Variants in CD59 observed in about 807,000 individuals in gnomAD.
The protein encoded by CD59 is CD59 glycoprotein.
A neutral mutation model predicts 7.0 loss-of-function variants in CD59; 3 were observed. That is an observed-to-expected ratio of 0.43 (90% CI 0.19 to 1.10). The LOEUF is 1.10. Among genes scored for constraint, CD59 ranks in the 50% least tolerant of loss-of-function variants. The pLI is 0.29. For missense variants in CD59, 143 were observed against 151.0 expected (o/e 0.95, Z 0.28); for synonymous variants, 60 against 62.0 (o/e 0.97, Z 0.15).
rs531012398 is a variant in CD59, at chr11:33,735,651, C to T, written c.-19+731G>A. On this transcript the variant is annotated intron_variant, in intron 1 of 3. Coordinates refer to ENST00000642928, the MANE Select transcript of CD59 (RefSeq NM_000611.6). ...CGTCCGTTTCGGCCGGGCGCGGTGG[C>T]TCACACCTGTAATCCCAACACTTTG... Among the ~76,000 whole-genome samples, 99 of 152,282 alleles carry T rather than the reference C, an allele frequency of 6.5e-4. No individual in the cohort carries two copies. In the South Asian group the frequency reaches 0.015, roughly 22 times the overall value.
At chr11:33,717,497 C>T (rs771696466) in intron 2 of CD59, 26 bp from the exon 3 acceptor site, 7 of 1,454,758 alleles carry the variant, frequency 4.8e-6, no homozygotes, top group South Asian at 1.1e-5. Context: ...AAGTCAGGAT[C>T]TCTTAAAGCA....
intron 3 of CD59, among the ~76,000 whole-genome samples, chr11:33,713,253 G>A (rs543657657): frequency 6.6e-6 from 1 of 152,172 alleles, no homozygotes; most frequent in Admixed American, 6.5e-5. Context: ...CTGAGTGCCT[G>A]TGTGCTAGAT....
intron 2 of CD59, among the ~76,000 whole-genome samples, chr11:33,721,501 C>T (rs1275843165): frequency 1.3e-5 from 2 of 152,150 alleles, no homozygotes; most frequent in Non-Finnish European, 2.9e-5. Flanking sequence ...TTCTGCTCCC[C>T]CCACCAACCA....
Position 33,732,208 on chromosome 11 carries a change from C to T in CD59, c.-19+4174G>A, listed in dbSNP as rs1854439232. Among the ~76,000 whole-genome samples, 4 of 151,876 alleles carry T rather than the reference C, an allele frequency of 2.6e-5. No individual in the cohort carries two copies. The South Asian group carries it at 8.3e-4, about 32-fold the overall frequency. On this transcript the variant is annotated intron_variant, in intron 1 of 3. Coordinates refer to ENST00000642928, the MANE Select transcript of CD59 (RefSeq NM_000611.6). ...TCTTTATCAGCAGCATGAAAATGGA[C>T]TAATACACCTCCAAAATCTCATGTT...
intron 1 of CD59, among the ~76,000 whole-genome samples, chr11:33,727,633 C>T (rs1234183566): frequency 6.6e-6 from 1 of 152,214 alleles, no homozygotes; most frequent in African/African-American, 2.4e-5. Context: ...TGCCCTCTCT[C>T]ACCATTCCTA....
At chr11:33,734,034 T>C (rs1483413534) in intron 1 of CD59, among the ~76,000 whole-genome samples, 1 of 152,232 alleles carries the variant, frequency 6.6e-6, no homozygotes, top group Non-Finnish European at 1.5e-5. Flanking sequence ...TGGATCTTGT[T>C]TCTATTCGCC....
chr11:33,725,358 C>T (rs1275862233), intron 1 of CD59, among the ~76,000 whole-genome samples: 1 of 151,464 alleles, frequency 6.6e-6, no homozygotes, highest in Non-Finnish European at 1.5e-5. Context: ...AAAAGTGTTG[C>T]CATTCCACCC....
At chr11:33,725,646 G>T (rs1023687980) in intron 1 of CD59, among the ~76,000 whole-genome samples, 1 of 152,178 alleles carries the variant, frequency 6.6e-6, no homozygotes, top group Non-Finnish European at 1.5e-5. Context: ...CGTAATGGGA[G>T]CTCCAAGTAG....
chr11:33,718,289 C>G (rs1853890610), intron 2 of CD59: 1 of 152,286 alleles, frequency 6.6e-6, no homozygotes, highest in African/African-American at 2.4e-5. Flanking sequence ...TTGACACCAG[C>G]CTGGCCAACA....
intron 1 of CD59, among the ~76,000 whole-genome samples, chr11:33,734,787 C>A (rs1350685045): frequency 6.6e-6 from 1 of 152,214 alleles, no homozygotes; most frequent in Non-Finnish European, 1.5e-5. Flanking sequence ...CACTTCTGGG[C>A]TTGGCAATGT....
rs1023701573 is a variant in CD59 at position 33,707,354 on chromosome 11, T to C, written c.*2772A>G. The C allele has an allele frequency of 6.6e-6, 1 of 152,168 alleles. No individual in the cohort carries two copies. Among genetic ancestry groups the C allele is most frequent in the East Asian group, 1.9e-4 (1 of 5,186 alleles). The allele number at this position is 152,168 out of a possible 1,614,324, so 9.4% of individuals were successfully genotyped here. On this transcript the variant is annotated 3_prime_UTR_variant, in exon 4 of 4. Transcript: ENST00000642928. ...ATTTTTTCAGGACACACATAAGACA[T>C]GGGGGCTAACTGCAAGGACACAAGA... is the stretch of plus-strand genomic sequence containing the variant.
intron 1 of CD59, chr11:33,722,773 C>T (rs1854130712): frequency 1.9e-6 from 2 of 1,064,840 alleles, no homozygotes; most frequent in Non-Finnish European, 2.4e-6. Context: ...GGTTCCCACT[C>T]TACTGGCCCC....
chr11:33,734,227 CAA>C (rs920872866), intron 1 of CD59, among the ~76,000 whole-genome samples: 1 of 152,186 alleles, frequency 6.6e-6, no homozygotes, highest in African/African-American at 2.4e-5. Context: ...CAGGAAGAGA[CAA>C]AGAGAAAACA....
chr11:33,709,839 T>A lies in CD59; in HGVS notation c.*287A>T. ...GGCTGCAGAGAACCCACTCAAGCTG[T>A]CACTGCAAAGCTGGTCTTCCCAAGA... On this transcript the variant is annotated 3_prime_UTR_variant, in exon 4 of 4. Coordinates refer to ENST00000642928, the MANE Select transcript of CD59 (RefSeq NM_000611.6). The A allele has an allele frequency of 1.9e-6, 1 of 538,666 alleles. No individual in the cohort carries two copies. Among genetic ancestry groups the A allele is most frequent in the Non-Finnish European group, 3.3e-6 (1 of 299,886 alleles). The allele number at this position is 538,666 out of a possible 1,614,324, so 33.4% of individuals were successfully genotyped here.
At chr11:33,733,656 C>T (rs1341255075) in intron 1 of CD59, 1 of 152,068 alleles carries the variant, frequency 6.6e-6, no homozygotes, top group Non-Finnish European at 1.5e-5. Context: ...ATTATAGCAA[C>T]CTCTGAACTG....
chr11:33,710,769 T>A (rs1385591899), intron 3 of CD59, among the ~76,000 whole-genome samples: 2 of 151,262 alleles, frequency 1.3e-5, no homozygotes, highest in African/African-American at 4.9e-5. Flanking sequence ...TGCCCGGTCA[T>A]CTGGTCTTGA....
chr11:33,728,301 T>C (rs1473656251), intron 1 of CD59, among the ~76,000 whole-genome samples: 1 of 152,166 alleles, frequency 6.6e-6, no homozygotes, highest in Non-Finnish European at 1.5e-5. Context: ...CAAAACAGCA[T>C]GGTACTGGTA....
At position 33,708,647 on chromosome 11, in the gene CD59, A is replaced by G. The variant is rs1369792836; in HGVS notation, c.*1479T>C. ...TTGATGTAAGGAAAGACACTGAGCT[A>G]ACAGAGAACACAGAGCACCAAGGTA... On this transcript the variant is annotated 3_prime_UTR_variant, in exon 4 of 4. Coordinates refer to ENST00000642928, the MANE Select transcript of CD59 (RefSeq NM_000611.6). The G allele has an allele frequency of 6.6e-6, 1 of 151,982 alleles. No homozygotes were observed. Among genetic ancestry groups the G allele is most frequent in the African/African-American group, 2.4e-5 (1 of 41,370 alleles). The allele number at this position is 151,982 out of a possible 1,614,324, so 9.4% of individuals were successfully genotyped here.
rs1853269511 is a variant in CD59, at chr11:33,705,385, G to C, written c.*4741C>G. The C allele has an allele frequency of 6.6e-6, 1 of 152,334 alleles. No homozygotes were observed. The allele number at this position is 152,334 out of a possible 1,614,324, so 9.4% of individuals were successfully genotyped here. Reference sequence around the variant, plus strand: ...AGGTGCAGAGACCAGGGCAACTTCAGGGATCCAGGTAGCAGGAAGGAATCG... The same window carrying C: ...AGGTGCAGAGACCAGGGCAACTTCACGGATCCAGGTAGCAGGAAGGAATCG... On this transcript the variant is annotated 3_prime_UTR_variant, in exon 4 of 4. Coordinates refer to ENST00000642928, the MANE Select transcript of CD59 (RefSeq NM_000611.6).
Sources: allele counts gnomAD v4.1 joint callset (sites outside exome capture counted in the v4.1 genomes callset), GRCh38; gene constraint gnomAD v4.1.1; transcripts MANE v1.5; gene names NCBI Gene and HGNC (gene_info 2026-07-23, HGNC 2026-07-21).